CFAP70: variants seen among roughly 807,000 people sequenced by gnomAD.
The protein encoded by CFAP70 is cilia and flagella associated protein 70, also known as cilia- and flagella-associated protein 70.
Under a neutral mutation model 137.6 loss-of-function variants are expected in CFAP70, and 81 were observed. The ratio of observed to expected loss-of-function variants is 0.59; its 90% CI spans 0.49 to 0.71. The LOEUF (loss-of-function observed/expected upper bound fraction) is 0.71, where lower values mean the gene tolerates loss of function less well. Among genes scored for constraint, CFAP70 ranks in the 30% least tolerant of loss-of-function variants. The pLI is 0.00. For synonymous variants in CFAP70, 382 were observed against 423.6 expected (o/e 0.90, Z 1.20); for missense variants, 976 against 1,226.7 (o/e 0.80, Z 3.05).
chr10:73,348,072 C>T, intron 4 of CFAP70, 84 bp downstream of exon 5: 1 of 1,255,318 alleles, frequency 8.0e-7, no homozygotes, highest in Non-Finnish European at 1.2e-6. Flanking sequence ...ATGCATTACA[C>T]TCAACTGAAT....
chr10:73,260,999 T>C (rs2045112642), intron 25 of CFAP70, among the ~76,000 whole-genome samples: 1 of 152,228 alleles, frequency 6.6e-6, no homozygotes, highest in African/African-American at 2.4e-5. Flanking sequence ...ATATGGTAAA[T>C]ATGTGTAACT....
At chr10:73,354,366 A>G (rs1385128146) in intron 2 of CFAP70, among the ~76,000 whole-genome samples, 2 of 152,172 alleles carry the variant, frequency 1.3e-5, no homozygotes, top group African/African-American at 2.4e-5. Flanking sequence ...TCATATTCCT[A>G]ATTTTTAGTA....
At chr10:73,343,526 T>C (rs754606157) in intron 5 of CFAP70, among the ~76,000 whole-genome samples, 1 of 152,044 alleles carries the variant, frequency 6.6e-6, no homozygotes, top group Non-Finnish European at 1.5e-5. Flanking sequence ...CTGGCCAACA[T>C]GGTGAAACCC....
At chr10:73,308,765 C>G (rs994423566) in intron 12 of CFAP70, among the ~76,000 whole-genome samples, 4 of 131,314 alleles carry the variant, frequency 3.0e-5, no homozygotes, top group African/African-American at 1.1e-4. Flanking sequence ...AAAATTTAAG[C>G]AACACATTCA....
At chr10:73,280,449 T>C (rs2047176863) in intron 19 of CFAP70, among the ~76,000 whole-genome samples, 1 of 152,174 alleles carries the variant, frequency 6.6e-6, no homozygotes, top group Non-Finnish European at 1.5e-5. Context: ...AAATTATGAG[T>C]TTGTAAGTGT....
chr10:73,360,470 G>A (rs1192831560), upstream of CFAP70, among the ~76,000 whole-genome samples: 1 of 152,104 alleles, frequency 6.6e-6, no homozygotes, highest in East Asian at 1.9e-4. Flanking sequence ...TTCCTTACAC[G>A]ATTTGGGCAA....
intron 15 of CFAP70, 64 bp from the exon 17 acceptor site, chr10:73,293,452 A>G: frequency 1.4e-6 from 2 of 1,415,446 alleles, no homozygotes; most frequent in East Asian, 2.4e-5. Context: ...AGGTTTCATA[A>G]GCATAAATCC....
Position 73,324,600 on chromosome 10 carries a change from C to T in CFAP70, c.778-1503G>A, listed in dbSNP as rs187284440. Among the ~76,000 whole-genome samples the T allele has an allele frequency of 6.6e-4, 100 of 152,112 alleles. 2 individuals are homozygous for T. In the East Asian group the frequency reaches 0.016, roughly 25 times the overall value. ...TTAAAAACTTTGAAAAAAATTTAGA[C>T]GAATATATAACTAGAATAACCAATA... On this transcript the variant is annotated intron_variant, in intron 8 of 26. Transcript: ENST00000310715.
exon 1 of CFAP70, chr10:73,358,744 C>T (rs2054873735): frequency 6.6e-6 from 1 of 152,448 alleles, no homozygotes; most frequent in Admixed American, 6.5e-5. Context: ...TTTTTGACAA[C>T]TATAGCAACC....
intron 24 of CFAP70, among the ~76,000 whole-genome samples, chr10:73,272,660 G>C (rs1291794365): frequency 6.6e-6 from 1 of 152,142 alleles, no homozygotes; most frequent in African/African-American, 2.4e-5. Context: ...TATCACAAAG[G>C]AGTGTCTATA....
chr10:73,316,487 GATAT>G (rs551707557), intron 9 of CFAP70, among the ~76,000 whole-genome samples: 1,074 of 100,910 alleles, frequency 0.011, 8 homozygotes, highest in Non-Finnish European at 0.013. Flanking sequence ...TATAGATATA[GATAT>G]ATATATATAT....
chr10:73,351,067 G>GTATA (rs1257762799), intron 3 of CFAP70, among the ~76,000 whole-genome samples: 32 of 64,054 alleles, frequency 5.0e-4, no homozygotes, highest in Admixed American at 9.6e-4. Flanking sequence ...GTGTGTGTGT[G>GTATA]TGTGTATATA....
At chr10:73,258,486 TTACGTTATC>T (rs1314353316) in intron 25 of CFAP70, among the ~76,000 whole-genome samples, 2 of 152,226 alleles carry the variant, frequency 1.3e-5, no homozygotes, top group Non-Finnish European at 2.9e-5. Flanking sequence ...CCTGTGATGA[TTACGTTATC>T]TGCACAAATT....
chr10:73,293,425 A>C (rs763628354), intron 15 of CFAP70, 37 bp from the exon 17 acceptor site: 4 of 1,536,714 alleles, frequency 2.6e-6, no homozygotes, highest in Non-Finnish European at 2.6e-6. Context: ...ACAAAAATGA[A>C]ACAATTACAA....
chr10:73,281,652 T>C (rs1589336298), intron 19 of CFAP70, among the ~76,000 whole-genome samples: 1 of 152,136 alleles, frequency 6.6e-6, no homozygotes, highest in African/African-American at 2.4e-5. Flanking sequence ...ATCCCATTAC[T>C]GGGTATATAT....
intron 19 of CFAP70, among the ~76,000 whole-genome samples, chr10:73,278,706 C>G (rs1050920953): frequency 2.6e-5 from 4 of 152,082 alleles, no homozygotes; most frequent in Admixed American, 6.5e-5. Flanking sequence ...TGAGGCCGGG[C>G]GCGGTGGCTC....
intron 25 of CFAP70, among the ~76,000 whole-genome samples, chr10:73,268,007 A>G (rs978851645): frequency 1.3e-5 from 2 of 152,174 alleles, no homozygotes; most frequent in African/African-American, 4.8e-5. Context: ...TTCTGCCCCC[A>G]CCACCAGAGA....
intron 25 of CFAP70, among the ~76,000 whole-genome samples, chr10:73,267,197 T>G (rs1255019453): frequency 1.3e-5 from 2 of 152,244 alleles, no homozygotes; most frequent in African/African-American, 4.8e-5. Flanking sequence ...TTTTGCTGGT[T>G]TTCCCTGAGA....
exon 8 of CFAP70, chr10:73,331,223 A>C: frequency 6.2e-7 from 1 of 1,613,390 alleles, no homozygotes; most frequent in Non-Finnish European, 8.5e-7. Context: ...GACCAGAGGA[A>C]CTCTTGTGAT....
Sources: allele counts gnomAD v4.1 joint callset (sites outside exome capture counted in the v4.1 genomes callset), GRCh38; gene constraint gnomAD v4.1.1; transcripts MANE v1.5; gene names NCBI Gene and HGNC (gene_info 2026-07-23, HGNC 2026-07-21).